COL4A2: variants seen among roughly 807,000 people sequenced by gnomAD.
The protein encoded by COL4A2 is collagen alpha-2(IV) chain.
COL4A2 carries 99 observed loss-of-function variants against 200.2 expected under a neutral mutation model. The ratio of observed to expected loss-of-function variants is 0.49; its 90% CI spans 0.42 to 0.58. The LOEUF is 0.58. Among genes scored for constraint, COL4A2 ranks in the 20% least tolerant of loss-of-function variants. The pLI is 0.00. For synonymous variants in COL4A2, 897 were observed against 900.6 expected, an observed-to-expected ratio of 1.00 and a Z score of 0.07; for missense variants, 1,950 against 2,314.1, an observed-to-expected ratio of 0.84 and a Z score of 3.23.
rs1880640263 is a variant in COL4A2 at position 110,430,585 on chromosome 13, C to T, written c.626C>T (p.Pro209Leu). The T allele has an allele frequency of 6.2e-7, 1 of 1,614,202 alleles. No homozygotes were observed. The highest frequency in any genetic ancestry group is 2.2e-5 in the East Asian group (1 of 44,886). ...CCTGGGCATGTGGGACAGATGGGTC[C>T]AGTTGGAGCTCCAGGGAGACCAGTA... is the stretch of plus-strand genomic sequence containing the variant. The part of the protein sequence containing the change: ...GRPGHVGQMG[P>L]VGAPGRPGPP... The change falls in exon 10 of 48, where the codon CCA becomes CTA. Residue 209 changes from proline to leucine, a missense_variant. Transcript: ENST00000360467.
rs9301457 is a variant in COL4A2, at chr13:110,478,252, G to C, written c.2587+88G>C. On this transcript the variant is annotated intron_variant, in intron 30 of 47. Coordinates refer to ENST00000360467, the MANE Select transcript of COL4A2 (RefSeq NM_001846.4). ...ACTGTCTTCTTGTGGAGCTCTCAAA[G>C]TCTGTTCCATGGAACCCCTTAAGAG... 1,094,048 of 1,338,538 alleles carry C rather than the reference G, an allele frequency of 0.82. 447,791 individuals are homozygous for C. Among genetic ancestry groups the C allele is most frequent in the Middle Eastern group, 0.89 (3,201 of 3,610 alleles). 82.9% of individuals were successfully genotyped at this position (1,338,538 alleles called of 1,614,324 possible). A position where few individuals can be genotyped will look rare whatever the true frequency, so the allele number is the denominator to read the frequency against.
rs1015288648 is a variant in COL4A2 at position 110,438,138 on chromosome 13, C to T, written c.861+101C>T. 19 of 868,426 alleles carry T rather than the reference C, an allele frequency of 2.2e-5. No individual in the cohort carries two copies. The Admixed American group carries it at 2.4e-4, about 11-fold the overall frequency. The allele number at this position is 868,426 out of a possible 1,614,324, so 53.8% of individuals were successfully genotyped here. On this transcript the variant is annotated intron_variant, in intron 14 of 47. Transcript: ENST00000360467. Reference sequence around the variant, plus strand: ...CACCATGCGCTCGGGGCCCGCACACCGCCAGTCTCTCATCCCCTTGTCCAT... The same window carrying T: ...CACCATGCGCTCGGGGCCCGCACACTGCCAGTCTCTCATCCCCTTGTCCAT...
At chr13:110,481,033 C>T (rs1211186839) in intron 31 of COL4A2, among the ~76,000 whole-genome samples, 1 of 112,626 alleles carries the variant, frequency 8.9e-6, no homozygotes, top group Non-Finnish European at 1.9e-5. Flanking sequence ...TTGCTGGAGA[C>T]ACACAGTTCT....
intron 4 of COL4A2, among the ~76,000 whole-genome samples, chr13:110,381,317 T>G (rs1199690131): frequency 6.6e-6 from 1 of 152,192 alleles, no homozygotes; most frequent in East Asian, 1.9e-4. Flanking sequence ...CGGCTCTATC[T>G]CACACCCACG....
chr13:110,327,847 C>G (rs1875699086), intron 3 of COL4A2, among the ~76,000 whole-genome samples: 1 of 152,208 alleles, frequency 6.6e-6, no homozygotes, highest in Non-Finnish European at 1.5e-5. Flanking sequence ...ACGCTTGAAG[C>G]AAAGTTGTGA....
In COL4A2 at chr13:110,429,520, G is replaced by A. The variant is rs544034355; in HGVS notation, c.478-365G>A. Among the ~76,000 whole-genome samples the A allele has an allele frequency of 7.2e-5, 11 of 152,250 alleles. No homozygotes were observed. In the South Asian group the frequency reaches 2.3e-3, roughly 32 times the overall value. ...ATCTATTCTGCAAATGGGTGCTTGT[G>A]TTAATATGTTCAGTACACTAATGCC... On this transcript the variant is annotated intron_variant, in intron 7 of 47. Transcript: ENST00000360467.
In COL4A2 at chr13:110,444,513, G is replaced by A. The variant is rs187028296; in HGVS notation, c.958-1316G>A. On this transcript the variant is annotated intron_variant, in intron 16 of 47. Transcript: ENST00000360467. ...TTTTGAGTCTTCAGCTCCACCTAGC[G>A]TGAGAGAAAGTCCGGGTCCAAACCA... 2.4e-3 allele frequency among the ~76,000 whole-genome samples: 365 copies of A among 152,300 alleles called. 2 individuals carry two copies. Among genetic ancestry groups the A allele is most frequent in the Non-Finnish European group, 2.4e-3 (163 of 68,028 alleles).
chr13:110,328,890 T>C (rs1396828111), intron 3 of COL4A2, among the ~76,000 whole-genome samples: 2 of 152,246 alleles, frequency 1.3e-5, no homozygotes, highest in Non-Finnish European at 2.9e-5. Flanking sequence ...ATTAGATCAC[T>C]TTTTGAGAAA....
chr13:110,356,507 G>A (rs1323658308), intron 3 of COL4A2, among the ~76,000 whole-genome samples: 5 of 152,260 alleles, frequency 3.3e-5, no homozygotes, highest in South Asian at 2.1e-4. Flanking sequence ...GGGAGCCACC[G>A]TTTGCACCGA....
At chr13:110,365,908 A>C (rs1268320039) in intron 4 of COL4A2, among the ~76,000 whole-genome samples, 1 of 152,240 alleles carries the variant, frequency 6.6e-6, no homozygotes, top group South Asian at 2.1e-4. Context: ...CAGATTGACA[A>C]GTTAGCTGGG....
At chr13:110,379,704 T>G (rs1205533900) in intron 4 of COL4A2, among the ~76,000 whole-genome samples, 1 of 152,108 alleles carries the variant, frequency 6.6e-6, no homozygotes, top group African/African-American at 2.4e-5. Context: ...GGCACATTAG[T>G]TAATCTCTTG....
At chr13:110,411,749 T>G (rs577102181) in intron 4 of COL4A2, among the ~76,000 whole-genome samples, 1 of 152,222 alleles carries the variant, frequency 6.6e-6, no homozygotes, top group Non-Finnish European at 1.5e-5. Flanking sequence ...GTGGAAAAGA[T>G]GTATTCAGAG....
Position 110,512,129 on chromosome 13 carries a change from C to G in COL4A2, c.5077C>G (p.Leu1693Val). ...SFQGSPSADT[L>V]KAGLIRTHIS... Reference sequence around the variant, plus strand: ...CCAGGGCTCGCCCTCCGCCGACACGCTCAAGGCCGGCCTCATCCGCACACA... The same window carrying G: ...CCAGGGCTCGCCCTCCGCCGACACGGTCAAGGCCGGCCTCATCCGCACACA... Residue 1693 changes from leucine to valine, a missense_variant, in exon 48 of 48, where the codon CTC (leucine) becomes GTC (valine). This residue lies in a region of COL4A2 where 1,385 missense variants were observed against 1,720.5 expected (regional missense o/e 0.80). Transcript: ENST00000360467. 1.2e-6 allele frequency: 2 copies of G among 1,613,480 alleles called. No homozygotes were observed. Among genetic ancestry groups the G allele is most frequent in the South Asian group, 2.2e-5 (2 of 91,088 alleles).
At chr13:110,451,079 C>T (rs1881524602) in intron 20 of COL4A2, among the ~76,000 whole-genome samples, 1 of 152,214 alleles carries the variant, frequency 6.6e-6, no homozygotes, top group South Asian at 2.1e-4. Context: ...TGTGGACCCA[C>T]CTGCCACCCA....
intron 4 of COL4A2, among the ~76,000 whole-genome samples, chr13:110,397,554 A>T (rs1879223571): frequency 6.6e-6 from 1 of 152,236 alleles, no homozygotes; most frequent in African/African-American, 2.4e-5. Context: ...CAATCTTGGC[A>T]AGGCAGACGT....
intron 4 of COL4A2, among the ~76,000 whole-genome samples, chr13:110,383,606 C>CTTTTTTTTTTT (rs67906394): frequency 4.6e-5 from 3 of 65,330 alleles, no homozygotes; most frequent in South Asian, 7.3e-4. Flanking sequence ...CAGCCCTTTT[C>CTTTTTTTTTTT]TTTTTTTTTT....
chr13:110,346,390 A>G (rs1053690989), intron 3 of COL4A2, among the ~76,000 whole-genome samples: 9 of 152,216 alleles, frequency 5.9e-5, no homozygotes, highest in Admixed American at 3.9e-4. Context: ...CGTGGTCACC[A>G]TAGACAATAT....
intron 36 of COL4A2, among the ~76,000 whole-genome samples, chr13:110,490,361 T>C (rs1883249099): frequency 6.6e-6 from 1 of 152,200 alleles, no homozygotes; most frequent in Non-Finnish European, 1.5e-5. Flanking sequence ...TTCTGGGGAT[T>C]TTCTTTTGGG....
Position 110,485,727 on chromosome 13 carries a change from A to C in COL4A2, c.3098A>C (p.Lys1033Thr). 4.3e-6 allele frequency: 7 copies of C among 1,613,748 alleles called. No individual in the cohort carries two copies. Among genetic ancestry groups the C allele is most frequent in the Non-Finnish European group, 5.9e-6 (7 of 1,179,896 alleles). Reference sequence around the variant, plus strand: ...CTGCCTGGGAGGCCCGGCCACATCAAAGGAGTCAAGGGAGACATCGGAGTC... The same window carrying C: ...CTGCCTGGGAGGCCCGGCCACATCACAGGAGTCAAGGGAGACATCGGAGTC... ...PGLPGRPGHI[K>T]GVKGDIGVPG... is the part of the protein sequence containing the mutation. Residue 1033 changes from lysine to threonine, a missense_variant, in exon 34 of 48, where the codon AAA (lysine) becomes ACA (threonine). By Grantham distance (78) the Lys-to-Thr change is moderately conservative. This residue lies in a region of COL4A2 where 1,385 missense variants were observed against 1,720.5 expected (regional missense o/e 0.80). Transcript: ENST00000360467.
Sources: gnomAD v4.1 joint callset for allele counts (sites outside exome capture counted in the v4.1 genomes callset) on GRCh38, gnomAD v4.1.1 for gene constraint, gnomAD v4.1.1 regional missense constraint, MANE v1.5 for transcripts, NCBI Gene and HGNC (gene_info 2026-07-23, HGNC 2026-07-21) for gene names.